The following DNAH14 variants were observed in gnomAD, a reference collection of about 807,000 sequenced individuals.
DNAH14 encodes dynein axonemal heavy chain 14, also known as axonemal beta dynein heavy chain 14.
DNAH14 carries 478 observed loss-of-function variants against 520.9 expected under a neutral mutation model. The ratio of observed to expected loss-of-function variants is 0.92; its 90% confidence interval spans 0.85 to 0.99. DNAH14 has a LOEUF of 0.99. Ranked by LOEUF, DNAH14 falls within the 50% of genes least tolerant of loss-of-function variation. DNAH14 has a pLI of 0.00. For synonymous variants in DNAH14, 1,581 were observed against 1,757.2 expected, an observed-to-expected ratio of 0.90 and a Z score of 2.51; for missense variants, 4,831 against 5,234.5, an observed-to-expected ratio of 0.92 and a Z score of 2.38.
At chr1:225,267,572 G>A (rs1250679934) in intron 49 of DNAH14, among the ~76,000 whole-genome samples, 2 of 152,084 alleles carry the variant, frequency 1.3e-5, no homozygotes, top group Non-Finnish European at 2.9e-5. Context: ...TTACAGGCGT[G>A]AGCCACCATG....
At chr1:225,361,991 T>G (rs2095497430) in intron 75 of DNAH14, among the ~76,000 whole-genome samples, 1 of 152,256 alleles carries the variant, frequency 6.6e-6, no homozygotes, top group Admixed American at 6.5e-5. Flanking sequence ...CAAATTATTA[T>G]TTCTGCCATG....
At position 225,259,092 on chromosome 1, in the gene DNAH14, C is replaced by T. The variant is rs1247737412; in HGVS notation, c.7025-29C>T. 2.0e-6 allele frequency: 3 copies of T among 1,531,268 alleles called. No homozygotes were observed. In the East Asian group the frequency reaches 7.5e-5, roughly 38 times the overall value. The allele number at this position is 1,531,268 out of a possible 1,614,324, so 94.9% of individuals were successfully genotyped here. On this transcript the variant is annotated intron_variant, in intron 45 of 85. Coordinates refer to ENST00000682510, the MANE Select transcript of DNAH14 (RefSeq NM_001367479.1). ...AACATGTATCATTTTCTTGCATATA[C>T]ATCTAACCTTGTGTATTTTTTCCCT... is the stretch of plus-strand genomic sequence containing the variant.
At chr1:225,023,073 C>T (rs2065837218) in intron 10 of DNAH14, among the ~76,000 whole-genome samples, 1 of 152,048 alleles carries the variant, frequency 6.6e-6, no homozygotes, top group African/African-American at 2.4e-5. Flanking sequence ...GAACAACAGA[C>T]ACTGGAGACT....
chr1:225,020,643 A>G, intron 10 of DNAH14, among the ~76,000 whole-genome samples: 1 of 152,146 alleles, frequency 6.6e-6, no homozygotes, highest in South Asian at 2.1e-4. Flanking sequence ...GAACAGACCA[A>G]TAAAGAGTAA....
Position 225,140,842 on chromosome 1 carries a change from C to T in DNAH14, c.4329C>T (p.Val1443=), listed in dbSNP as rs116052053. 1,457 of 1,550,948 alleles carry T rather than the reference C, an allele frequency of 9.4e-4. 10 individuals carry two copies. The African/African-American group carries it at 0.017, about 18-fold the overall frequency. The change falls in exon 28 of 86, where the codon GTC becomes GTT. Residue 1443 remains valine (V), a synonymous_variant. Coordinates refer to ENST00000682510, the MANE Select transcript of DNAH14 (RefSeq NM_001367479.1). ...SSYSREKLEK[V]HAGLMCHLEE... ...ATTCAAGAGAAAAATTGGAAAAAGT[C>T]CACGCTGGTCTGATGTGTCATCTAG...
intron 27 of DNAH14, among the ~76,000 whole-genome samples, chr1:225,139,386 C>G (rs1297296082): frequency 6.6e-6 from 1 of 152,238 alleles, no homozygotes; most frequent in Non-Finnish European, 1.5e-5. Context: ...ACTTCAGCTT[C>G]AATCATTGAA....
rs1376659173 is a variant in DNAH14, at chr1:225,185,560, CATA to C, written c.5670+138_5670+140del. On this transcript the variant is annotated intron_variant, in intron 37 of 85. Transcript: ENST00000682510. ...TGCTAGGAATTTTGTAGTTAAGAAT[CATA>C]ATGAGTGGGATTTTTAACTTAAATC... 2.7e-4 allele frequency: 242 copies of C among 901,390 alleles called. No individual in the cohort carries two copies. In the East Asian group the frequency reaches 7.7e-3, roughly 29 times the overall value. 55.8% of individuals were successfully genotyped at this position (901,390 alleles called of 1,614,324 possible).
Position 225,159,213 on chromosome 1 carries a change from T to C in DNAH14, c.5274-101T>C, listed in dbSNP as rs150063370. ...CAGTGAGAGAGAGGAGGGAAGGACA[T>C]TGGGATAGCCACCCCTAAAACAGAA... On this transcript the variant is annotated intron_variant, in intron 34 of 85. Coordinates refer to ENST00000682510, the MANE Select transcript of DNAH14 (RefSeq NM_001367479.1). The C allele has an allele frequency of 1.6e-3, 1,526 of 937,614 alleles. 24 individuals are homozygous for C. Among genetic ancestry groups the C allele is most frequent in the South Asian group, 0.013 (788 of 62,250 alleles). The allele number at this position is 937,614 out of a possible 1,614,324, so 58.1% of individuals were successfully genotyped here.
In DNAH14 at chr1:225,107,512, C is replaced by T. The variant is rs578036754; in HGVS notation, c.3867+6628C>T. On this transcript the variant is annotated intron_variant, in intron 23 of 85. Coordinates refer to ENST00000682510, the MANE Select transcript of DNAH14 (RefSeq NM_001367479.1). ...TGTCCTCATGCCGGCTTAGACAAAA[C>T]GACATGGACATACATGGAGTGTTTT... Among the ~76,000 whole-genome samples the T allele has an allele frequency of 1.9e-4, 29 of 152,210 alleles. No individual in the cohort carries two copies. The South Asian group carries it at 2.3e-3, about 12-fold the overall frequency.
At chr1:225,196,603 C>G (rs1372277679) in intron 38 of DNAH14, among the ~76,000 whole-genome samples, 1 of 152,120 alleles carries the variant, frequency 6.6e-6, no homozygotes, top group Non-Finnish European at 1.5e-5. Flanking sequence ...CTGTTTTCCA[C>G]AGTGGTTGTA....
intron 15 of DNAH14, among the ~76,000 whole-genome samples, chr1:225,046,599 T>C (rs1572679639): frequency 6.6e-6 from 1 of 152,160 alleles, no homozygotes; most frequent in African/African-American, 2.4e-5. Flanking sequence ...ACATTTATCA[T>C]TTTTTATTTT....
rs2150225612 is a variant in DNAH14, at chr1:225,324,341, T to C, written c.9615T>C (p.His3205=). The change falls in exon 63 of 86, where the codon CAT becomes CAC. Residue 3205 remains histidine (H), a synonymous_variant. Transcript: ENST00000682510. ...GGGTTATAGCTTTGAATAACTACCATGAAGTACAGAAGGTATGCTTTTCCT... is the reference window on the plus strand; with the variant it reads ...GGGTTATAGCTTTGAATAACTACCACGAAGTACAGAAGGTATGCTTTTCCT... ...CQWVIALNNY[H]EVQKVVGPKQ... is the part of the protein sequence containing the mutation. 1.9e-6 allele frequency: 3 copies of C among 1,551,936 alleles called. No individual in the cohort carries two copies. Among genetic ancestry groups the C allele is most frequent in the Non-Finnish European group, 2.6e-6 (3 of 1,147,034 alleles).
intron 66 of DNAH14, among the ~76,000 whole-genome samples, chr1:225,335,873 A>G (rs527885386): frequency 3.2e-4 from 12 of 37,850 alleles, no homozygotes; most frequent in South Asian, 1.2e-3. Context: ...GTACATACAC[A>G]TATACATATA....
At chr1:224,943,114 GC>G (rs1372737132) in intron 1 of DNAH14, among the ~76,000 whole-genome samples, 1 of 152,300 alleles carries the variant, frequency 6.6e-6, no homozygotes, top group Non-Finnish European at 1.5e-5. Context: ...GTAGAATTCG[GC>G]TGTGAATTCA....
chr1:225,095,193 G>T (rs1398898017), intron 21 of DNAH14, among the ~76,000 whole-genome samples: 1 of 152,274 alleles, frequency 6.6e-6, no homozygotes, highest in Non-Finnish European at 1.5e-5. Context: ...AAAGACACAT[G>T]CACGCTTATG....
At position 225,258,123 on chromosome 1, in the gene DNAH14, T is replaced by G. The variant is rs1345732051; in HGVS notation, c.7024+5T>G. ...CCTGCCCTGTACTTCTCACAGGTAT[T>G]ACAAATATTTAATAGAAGGAGAATT... On this transcript the variant is annotated splice_donor_5th_base_variant and intron_variant, in intron 45 of 85. Coordinates refer to ENST00000682510, the MANE Select transcript of DNAH14 (RefSeq NM_001367479.1). 1.3e-6 allele frequency: 2 copies of G among 1,486,538 alleles called. No homozygotes were observed. The highest frequency in any genetic ancestry group is 1.8e-6 in the Non-Finnish European group (2 of 1,122,478). 92.1% of individuals were successfully genotyped at this position (1,486,538 alleles called of 1,614,324 possible).
rs759634881 is a variant in DNAH14, at chr1:225,374,819, G to A, written c.12450G>A (p.Lys4150=). 1.9e-6 allele frequency: 3 copies of A among 1,551,554 alleles called. No homozygotes were observed. The South Asian group carries it at 3.6e-5, about 18-fold the overall frequency. Residue 4150 remains lysine (K), a synonymous_variant, in exon 78 of 86, where the codon AAG becomes AAA. Transcript: ENST00000682510. Reference sequence around the variant, plus strand: ...ATAATTGGGACAAGCGATGCTTGAAGACCCTACTCTACAAATTTTGTAATC... The same window carrying A: ...ATAATTGGGACAAGCGATGCTTGAAAACCCTACTCTACAAATTTTGTAATC... ...VIDNWDKRCL[K]TLLYKFCNPE...
At chr1:225,395,561 C>T (rs1203519876) in intron 84 of DNAH14, among the ~76,000 whole-genome samples, 1 of 147,626 alleles carries the variant, frequency 6.8e-6, no homozygotes, top group Non-Finnish European at 1.5e-5. Context: ...CACTGCGCTC[C>T]AGCCTGCGCG....
chr1:225,064,261 TACTG>T (rs1294154675), intron 17 of DNAH14, among the ~76,000 whole-genome samples: 1 of 152,064 alleles, frequency 6.6e-6, no homozygotes. Flanking sequence ...AAAATTAAAA[TACTG>T]ACAATATCAG....
Sources: gnomAD v4.1 joint callset for allele counts (sites outside exome capture counted in the v4.1 genomes callset) on GRCh38, gnomAD v4.1.1 for gene constraint, MANE v1.5 for transcripts, NCBI Gene and HGNC (gene_info 2026-07-23, HGNC 2026-07-21) for gene names.